The following SV2C variants were observed in gnomAD, a reference collection of about 807,000 sequenced individuals.
SV2C encodes synaptic vesicle glycoprotein 2C, also known as solute carrier family 22 member B3.
In SV2C, 49 loss-of-function variants were observed where a neutral mutation model predicts 79.7. The ratio of observed to expected loss-of-function variants is 0.61; its 90% confidence interval spans 0.49 to 0.78. The LOEUF is 0.78. Ranked by LOEUF, SV2C falls within the 30% of genes least tolerant of loss-of-function variation. SV2C has a pLI of 0.00. For synonymous variants in SV2C, 334 were observed against 333.2 expected (o/e 1.00, Z -0.03); for missense variants, 833 against 912.9 (o/e 0.91, Z 1.13).
chr5:76,350,274 C>A (rs536396401), intron 12 of SV2C, among the ~76,000 whole-genome samples: 113 of 152,290 alleles, frequency 7.4e-4, no homozygotes, highest in African/African-American at 2.6e-3. Context: ...ACTTACCTAT[C>A]TTCTATCCCT....
the SV2C span, chr5:75,910,601 G>T: frequency 2.3e-5 from 17 of 746,172 alleles, no homozygotes; most frequent in Non-Finnish European, 3.6e-5. Flanking sequence ...TGCCAAGTGG[G>T]GTTGAAAACT....
intron 12 of SV2C, among the ~76,000 whole-genome samples, chr5:76,344,970 T>C (rs1276450414): frequency 6.6e-6 from 1 of 152,194 alleles, no homozygotes; most frequent in Non-Finnish European, 1.5e-5. Context: ...CCCTAAGTTG[T>C]TCAATCTTAT....
the SV2C span, among the ~76,000 whole-genome samples, chr5:75,920,478 C>T: frequency 2.0e-5 from 3 of 152,056 alleles, no homozygotes; most frequent in African/African-American, 4.8e-5. Context: ...TTTAAGAAAC[C>T]CCCCCAACCA....
At chr5:76,004,478 T>G in the SV2C span, among the ~76,000 whole-genome samples, 1 of 152,186 alleles carries the variant, frequency 6.6e-6, no homozygotes, top group African/African-American at 2.4e-5. Flanking sequence ...AGACTGGTCC[T>G]TGTCACATGA....
chr5:75,863,155 G>A, the SV2C span, among the ~76,000 whole-genome samples: 1 of 152,132 alleles, frequency 6.6e-6, no homozygotes, highest in Non-Finnish European at 1.5e-5. Context: ...TATAGCATTT[G>A]CCAACTTCTC....
the SV2C span, among the ~76,000 whole-genome samples, chr5:75,884,944 T>G: frequency 6.6e-6 from 1 of 152,128 alleles, no homozygotes; most frequent in Non-Finnish European, 1.5e-5. Context: ...TTGCAACATT[T>G]AAGATGCTAA....
In SV2C at chr5:76,326,215, A is replaced by G. The variant is rs1022669816; in HGVS notation, c.*668A>G. Reference sequence around the variant, plus strand: ...AGCAAGATTTCTGTCAGAAAGCCCAATTAAACCTCTGAAAAGTGTGAGGAA... The same window carrying G: ...AGCAAGATTTCTGTCAGAAAGCCCAGTTAAACCTCTGAAAAGTGTGAGGAA... On this transcript the variant is annotated 3_prime_UTR_variant, in exon 13 of 13. Transcript: ENST00000502798. 1.3e-5 allele frequency: 2 copies of G among 152,248 alleles called. No individual in the cohort carries two copies. Among genetic ancestry groups the G allele is most frequent in the African/African-American group, 4.8e-5 (2 of 41,460 alleles). The allele number at this position is 152,248 out of a possible 1,614,324, so 9.4% of individuals were successfully genotyped here.
chr5:75,876,273 A>G, the SV2C span, among the ~76,000 whole-genome samples: 1 of 152,126 alleles, frequency 6.6e-6, no homozygotes, highest in Admixed American at 6.6e-5. Context: ...TTTTGGGAAC[A>G]TGGATGGAAC....
the SV2C span, among the ~76,000 whole-genome samples, chr5:75,984,571 C>CTA: frequency 1.0e-2 from 599 of 60,152 alleles, 2 homozygotes; most frequent in Middle Eastern, 0.026. Context: ...CTATCTATAT[C>CTA]TATCTATCTA....
chr5:76,139,247 A>G (rs1749172271), intron 2 of SV2C, among the ~76,000 whole-genome samples: 1 of 152,180 alleles, frequency 6.6e-6, no homozygotes, highest in Non-Finnish European at 1.5e-5. Flanking sequence ...GCCCTGACCT[A>G]AAGATTTAGC....
At chr5:75,989,985 T>G in the SV2C span, among the ~76,000 whole-genome samples, 3 of 149,340 alleles carry the variant, frequency 2.0e-5, no homozygotes, top group Admixed American at 1.3e-4. Context: ...TAATGGGGTT[T>G]TTTTTTTTGG....
the SV2C span, among the ~76,000 whole-genome samples, chr5:75,947,530 T>C: frequency 6.6e-6 from 1 of 151,978 alleles, no homozygotes; most frequent in Non-Finnish European, 1.5e-5. Flanking sequence ...AGATTTCTTC[T>C]ACTCAGGCTT....
At chr5:76,234,395 G>A (rs1745544804) in intron 4 of SV2C, among the ~76,000 whole-genome samples, 1 of 152,198 alleles carries the variant, frequency 6.6e-6, no homozygotes. Flanking sequence ...CAAACTCAGT[G>A]TAACATATTC....
At chr5:75,980,087 A>G in the SV2C span, among the ~76,000 whole-genome samples, 36,733 of 152,190 alleles carry the variant, frequency 0.24, 5,924 homozygotes, top group Non-Finnish European at 0.37. Context: ...TGTTGTGAAC[A>G]TATCTATGCA....
chr5:76,298,979 A>G, intron 10 of SV2C, 52 bp downstream of exon 10: 2 of 1,592,964 alleles, frequency 1.3e-6, no homozygotes, highest in Non-Finnish European at 1.7e-6. Context: ...CAAAGGGCCC[A>G]CTGTGATAAC....
At chr5:76,292,609 C>G (rs773571586) in intron 8 of SV2C, among the ~76,000 whole-genome samples, 10 of 152,126 alleles carry the variant, frequency 6.6e-5, no homozygotes, top group Non-Finnish European at 1.3e-4. Context: ...CTGTTACTAG[C>G]CACTGCCCTC....
chr5:75,967,981 G>T, the SV2C span, among the ~76,000 whole-genome samples: 5 of 152,146 alleles, frequency 3.3e-5, no homozygotes, highest in African/African-American at 7.2e-5. Flanking sequence ...AACTTCCAGA[G>T]GAATGATAAG....
chr5:76,304,594 C>T (rs1254580141), intron 12 of SV2C, among the ~76,000 whole-genome samples: 1 of 152,188 alleles, frequency 6.6e-6, no homozygotes, highest in Non-Finnish European at 1.5e-5. Flanking sequence ...TTCATTTTCT[C>T]ACAGTTCTGG....
chr5:76,127,483 C>T (rs1320780433), intron 1 of SV2C, among the ~76,000 whole-genome samples: 1 of 152,178 alleles, frequency 6.6e-6, no homozygotes. Context: ...GGTTTAACAG[C>T]CGCTTCTATA....
Sources: allele counts gnomAD v4.1 joint callset (sites outside exome capture counted in the v4.1 genomes callset), GRCh38; gene constraint gnomAD v4.1.1; transcripts MANE v1.5; gene names NCBI Gene and HGNC (gene_info 2026-07-23, HGNC 2026-07-21).